The following DIAPH2 variants were observed in gnomAD, a reference collection of about 807,000 sequenced individuals.
The protein encoded by DIAPH2 is diaphanous related formin 2, also known as protein diaphanous homolog 2.
A neutral mutation model predicts 92.7 loss-of-function variants in DIAPH2; 35 were observed. The ratio of observed to expected loss-of-function variants is 0.38; its 90% CI spans 0.29 to 0.50. The LOEUF (loss-of-function observed/expected upper bound fraction) is 0.50, where lower values mean the gene tolerates loss of function less well. Among genes scored for constraint, DIAPH2 ranks in the 20% least tolerant of loss-of-function variants. DIAPH2 has a pLI of 0.94. For synonymous variants in DIAPH2, 301 were observed against 280.4 expected (o/e 1.07, Z -0.73); for missense variants, 701 against 819.5 (o/e 0.86, Z 1.77).
At chrX:96,974,133 A>T (rs182379307) in intron 17 of DIAPH2, among the ~76,000 whole-genome samples, 1 of 111,743 alleles carries the variant, frequency 8.9e-6, no homozygotes, top group Non-Finnish European at 1.9e-5. Context: ...TGGGCCAATG[A>T]TCTGCTGTTC....
chrX:97,200,393 C>T (rs903263609), intron 22 of DIAPH2, among the ~76,000 whole-genome samples: 2 of 112,722 alleles, frequency 1.8e-5, no homozygotes, highest in African/African-American at 6.4e-5. Context: ...CAAGTGGTCT[C>T]GCTCAGCAGG....
chrX:96,773,244 C>CCCG (rs1556143661), intron 4 of DIAPH2, among the ~76,000 whole-genome samples: 2 of 86,473 alleles, frequency 2.3e-5, no homozygotes, highest in African/African-American at 8.1e-5. Flanking sequence ...GTTTCCCCCC[C>CCCG]CCTCCCGCCC....
chrX:97,321,405 C>T (rs1209228010), intron 23 of DIAPH2, among the ~76,000 whole-genome samples: 3 of 110,115 alleles, frequency 2.7e-5, no homozygotes, highest in Non-Finnish European at 5.7e-5. Flanking sequence ...TATTTATTTG[C>T]TTTAATAAAT....
intron 22 of DIAPH2, among the ~76,000 whole-genome samples, chrX:97,144,825 C>T (rs2067233099): frequency 1.8e-5 from 2 of 111,361 alleles, no homozygotes; most frequent in Non-Finnish European, 1.9e-5. Context: ...AGTGCAGTGG[C>T]ACAATCTTAG....
chrX:97,161,052 T>G (rs1049173342), intron 22 of DIAPH2, among the ~76,000 whole-genome samples: 1 of 46,527 alleles, frequency 2.1e-5, no homozygotes, highest in Non-Finnish European at 5.2e-5. Context: ...TGTTTTTTTG[T>G]TTTTTTTTTT....
intron 4 of DIAPH2, among the ~76,000 whole-genome samples, chrX:96,776,289 C>T (rs1229644429): frequency 9.0e-6 from 1 of 111,179 alleles, no homozygotes; most frequent in Non-Finnish European, 1.9e-5. Flanking sequence ...CTGCTCACTG[C>T]ACCCTCTGCC....
At chrX:96,895,271 C>G (rs1027483782) in intron 5 of DIAPH2, among the ~76,000 whole-genome samples, 2 of 111,544 alleles carry the variant, frequency 1.8e-5, no homozygotes, top group Non-Finnish European at 3.8e-5. Context: ...TCCCAAAATA[C>G]GGGGACTACA....
intron 25 of DIAPH2, among the ~76,000 whole-genome samples, chrX:97,396,429 T>C (rs949256212): frequency 1.4e-4 from 16 of 110,905 alleles, no homozygotes; most frequent in African/African-American, 5.3e-4. Flanking sequence ...CCCGGCACTT[T>C]GGGAGGCTGA....
intron 21 of DIAPH2, among the ~76,000 whole-genome samples, chrX:97,134,139 C>G (rs1368937876): frequency 9.0e-6 from 1 of 111,506 alleles, no homozygotes; most frequent in African/African-American, 3.3e-5. Context: ...GGATGAAGGA[C>G]AGTTTAGAAC....
intron 5 of DIAPH2, among the ~76,000 whole-genome samples, chrX:96,910,730 A>C (rs2065464031): frequency 1.8e-5 from 2 of 111,592 alleles, no homozygotes; most frequent in Non-Finnish European, 3.8e-5. Flanking sequence ...TAGTGGCTAT[A>C]TATGAGCTAC....
chrX:96,794,467 A>G (rs950558347), intron 4 of DIAPH2, among the ~76,000 whole-genome samples: 37 of 107,023 alleles, frequency 3.5e-4, no homozygotes, highest in African/African-American at 1.2e-3. Context: ...GACCATTTCA[A>G]CTCCGCTAGG....
At chrX:97,474,559 G>T (rs1000710784) in intron 26 of DIAPH2, among the ~76,000 whole-genome samples, 6 of 111,311 alleles carry the variant, frequency 5.4e-5, no homozygotes, top group African/African-American at 2.0e-4. Context: ...GAGGTGAGGA[G>T]TTCGAGACCA....
intron 5 of DIAPH2, among the ~76,000 whole-genome samples, chrX:96,898,471 G>T (rs2065364648): frequency 1.4e-5 from 1 of 72,803 alleles, no homozygotes; most frequent in African/African-American, 3.8e-5. Flanking sequence ...TTTCTCTGAT[G>T]GCCAGTGATG....
chrX:97,530,065 A>G (rs749571212), intron 26 of DIAPH2, among the ~76,000 whole-genome samples: 1 of 112,375 alleles, frequency 8.9e-6, no homozygotes, highest in African/African-American at 3.2e-5. Context: ...AGCATGATAC[A>G]GAGAAGTCAC....
chrX:97,533,110 T>A (rs886158573), intron 26 of DIAPH2: 1 of 111,946 alleles, frequency 8.9e-6, no homozygotes, highest in African/African-American at 3.2e-5. Flanking sequence ...TTTGTGCAGA[T>A]TCACCATTTT....
chrX:96,998,119 T>C (rs1198306984), intron 17 of DIAPH2, among the ~76,000 whole-genome samples: 2 of 112,162 alleles, frequency 1.8e-5, no homozygotes, highest in South Asian at 3.7e-4. Context: ...CATCCTTAGC[T>C]TCTATATCCT....
In DIAPH2 at chrX:96,875,704, G is replaced by T. The variant is rs751065698; in HGVS notation, c.448-5875G>T. On this transcript the variant is annotated intron_variant, in intron 4 of 26. Transcript: ENST00000324765. Reference sequence around the variant, plus strand: ...TTTCTGTGTAGGTTTTTTTCTTATAGACTTCAATTGATAATATGTAGTATC... The same window carrying T: ...TTTCTGTGTAGGTTTTTTTCTTATATACTTCAATTGATAATATGTAGTATC... Among the ~76,000 whole-genome samples, 7 of 110,462 alleles carry T rather than the reference G, an allele frequency of 6.3e-5. No individual in the cohort carries two copies. The South Asian group carries it at 2.3e-3, about 36-fold the overall frequency.
chrX:96,982,164 G>A (rs758838127), intron 17 of DIAPH2, among the ~76,000 whole-genome samples: 1 of 111,792 alleles, frequency 8.9e-6, no homozygotes, highest in Non-Finnish European at 1.9e-5. Context: ...GTCTGCCTTT[G>A]TTTTATCCAT....
chrX:97,289,869 C>T (rs953578288), intron 23 of DIAPH2, among the ~76,000 whole-genome samples: 5 of 110,052 alleles, frequency 4.5e-5, no homozygotes, highest in Non-Finnish European at 9.5e-5. Flanking sequence ...GGACTACACG[C>T]GTGTGCCAGC....
Sources: gnomAD v4.1 joint callset for allele counts (sites outside exome capture counted in the v4.1 genomes callset) on GRCh38, gnomAD v4.1.1 for gene constraint, MANE v1.5 for transcripts, NCBI Gene and HGNC (gene_info 2026-07-23, HGNC 2026-07-21) for gene names.